The following SUGCT variants were observed in gnomAD, a reference collection of about 807,000 sequenced individuals.
The protein encoded by SUGCT is succinyl-CoA:glutarate-CoA transferase.
A neutral mutation model predicts 55.0 loss-of-function variants in SUGCT; 41 were observed. That is an observed-to-expected ratio of 0.74 (90% CI 0.58 to 0.97). The LOEUF (loss-of-function observed/expected upper bound fraction) is 0.97, where lower values mean the gene tolerates loss of function less well. Among genes scored for constraint, SUGCT ranks in the 50% least tolerant of loss-of-function variants. The pLI, the probability that SUGCT is intolerant of heterozygous loss-of-function variation, is 0.00. For missense variants in SUGCT, 568 were observed against 547.8 expected (o/e 1.04, Z -0.37); for synonymous variants, 187 against 200.4 (o/e 0.93, Z 0.56).
intron 6 of SUGCT, among the ~76,000 whole-genome samples, chr7:40,211,146 G>A (rs950015085): frequency 6.6e-6 from 1 of 151,812 alleles, no homozygotes; most frequent in African/African-American, 2.4e-5. Flanking sequence ...GCTAATTTTT[G>A]TATTTTTAGT....
At chr7:40,640,506 C>T (rs1800222898) in intron 12 of SUGCT, among the ~76,000 whole-genome samples, 1 of 152,136 alleles carries the variant, frequency 6.6e-6, no homozygotes, top group African/African-American at 2.4e-5. Context: ...CCACAGCTGT[C>T]CTGAGAGGCT....
chr7:40,498,852 T>C (rs996423534), intron 12 of SUGCT, among the ~76,000 whole-genome samples: 6 of 152,186 alleles, frequency 3.9e-5, no homozygotes, highest in Non-Finnish European at 8.8e-5. Context: ...GCTTTGGGGA[T>C]GGGGATCATT....
chr7:40,227,353 A>ATAATAGACCTTGAGATCT (rs1349086711), intron 6 of SUGCT, among the ~76,000 whole-genome samples: 5 of 151,964 alleles, frequency 3.3e-5, no homozygotes, highest in African/African-American at 4.8e-5. Context: ...CCTGGCCAGT[A>ATAATAGACCTTGAGATCT]TAATAGACCT....
the SUGCT span, among the ~76,000 whole-genome samples, chr7:40,877,678 A>G: frequency 6.6e-6 from 1 of 152,370 alleles, no homozygotes; most frequent in African/African-American, 2.4e-5. Flanking sequence ...CCAAGAGCTG[A>G]CAATGAATGT....
intron 13 of SUGCT, among the ~76,000 whole-genome samples, chr7:40,852,608 A>T (rs1203048970): frequency 6.3e-5 from 9 of 142,082 alleles, no homozygotes; most frequent in Non-Finnish European, 1.2e-4. Flanking sequence ...ACACTAGATC[A>T]TTTTTTTTTT....
intron 13 of SUGCT, among the ~76,000 whole-genome samples, chr7:40,842,378 T>C (rs540148119): frequency 1.3e-5 from 2 of 152,316 alleles, no homozygotes; most frequent in African/African-American, 4.8e-5. Flanking sequence ...TTTTAAAGTC[T>C]GACAGTGTTT....
At chr7:40,622,551 T>TC (rs940064580) in intron 12 of SUGCT, among the ~76,000 whole-genome samples, 4 of 142,342 alleles carry the variant, frequency 2.8e-5, no homozygotes, top group Non-Finnish European at 4.6e-5. Context: ...TTTTTTTTTT[T>TC]CATCTTCTGA....
rs934273926 is a variant in SUGCT, at chr7:40,177,634, A to C, written c.101-3313A>C. On this transcript the variant is annotated intron_variant, in intron 1 of 13. Transcript: ENST00000335693. ...ATTGCCTTCTCAATATCTATCCTCC[A>C]TTTATCCCATACCGCAATGCAAGTG... Among the ~76,000 whole-genome samples the C allele has an allele frequency of 2.0e-5, 3 of 151,972 alleles. 1 individual carries two copies. Among genetic ancestry groups the C allele is most frequent in the Admixed American group, 6.6e-5 (1 of 15,264 alleles).
chr7:40,452,425 T>C (rs1789242268), intron 10 of SUGCT, among the ~76,000 whole-genome samples: 1 of 152,164 alleles, frequency 6.6e-6, no homozygotes, highest in Non-Finnish European at 1.5e-5. Context: ...CATAGGAATG[T>C]CCTTTAGCCC....
intron 9 of SUGCT, among the ~76,000 whole-genome samples, chr7:40,404,858 C>T (rs1380025850): frequency 6.6e-6 from 1 of 152,142 alleles, no homozygotes; most frequent in Non-Finnish European, 1.5e-5. Flanking sequence ...AGTATGATTC[C>T]ATTCTCTGAC....
chr7:40,445,246 G>T (rs7776718), intron 9 of SUGCT, among the ~76,000 whole-genome samples: 4 of 151,996 alleles, frequency 2.6e-5, no homozygotes, highest in Admixed American at 6.6e-5. Context: ...TAGATAGACC[G>T]CTAGCAAGAC....
intron 12 of SUGCT, among the ~76,000 whole-genome samples, chr7:40,655,185 T>C (rs1372409340): frequency 6.6e-6 from 1 of 152,034 alleles, no homozygotes; most frequent in Admixed American, 6.6e-5. Flanking sequence ...TCCCAGCTCC[T>C]CAGGAGGCTG....
chr7:40,903,588 A>G, the SUGCT span, among the ~76,000 whole-genome samples: 2 of 152,174 alleles, frequency 1.3e-5, no homozygotes, highest in African/African-American at 4.8e-5. Flanking sequence ...ATATTCTCCC[A>G]GTACCTCAGA....
chr7:40,552,470 G>A (rs546693031), intron 12 of SUGCT, among the ~76,000 whole-genome samples: 1 of 152,182 alleles, frequency 6.6e-6, no homozygotes, highest in Admixed American at 6.5e-5. Context: ...AGATCACCCA[G>A]GGCCTGGTGA....
chr7:40,838,387 T>C (rs1216049348), intron 13 of SUGCT, among the ~76,000 whole-genome samples: 2 of 152,218 alleles, frequency 1.3e-5, no homozygotes, highest in Admixed American at 6.5e-5. Context: ...ATTTTCAAAT[T>C]TATGAACACA....
rs1257683954 is a variant in SUGCT, at chr7:40,279,929, G to A, written c.720+5273G>A. Among the ~76,000 whole-genome samples the A allele has an allele frequency of 5.3e-5, 8 of 152,074 alleles. No individual in the cohort carries two copies. The East Asian group carries it at 1.5e-3, about 29-fold the overall frequency. On this transcript the variant is annotated intron_variant, in intron 8 of 13. Transcript: ENST00000335693. ...CATTTGAATTTAATTTCAGCTGCGT[G>A]AGAATGAATACAATTTCATGCAGTA...
At chr7:40,899,501 CAGAA>C in the SUGCT span, among the ~76,000 whole-genome samples, 4 of 152,116 alleles carry the variant, frequency 2.6e-5, no homozygotes, top group Admixed American at 1.3e-4. Context: ...CACGCTGAGA[CAGAA>C]AGCAAGAGCA....
intron 12 of SUGCT, among the ~76,000 whole-genome samples, chr7:40,585,814 G>A (rs1436514175): frequency 6.6e-6 from 1 of 151,916 alleles, no homozygotes; most frequent in African/African-American, 2.4e-5. Flanking sequence ...CAAGTACCTG[G>A]GATTACAGGT....
At chr7:40,500,732 A>G (rs1792235716) in intron 12 of SUGCT, among the ~76,000 whole-genome samples, 1 of 152,132 alleles carries the variant, frequency 6.6e-6, no homozygotes. Flanking sequence ...TATCTGAGTG[A>G]TTTTGTTTTA....
Sources: allele counts gnomAD v4.1 joint callset (sites outside exome capture counted in the v4.1 genomes callset), GRCh38; gene constraint gnomAD v4.1.1; transcripts MANE v1.5; gene names NCBI Gene and HGNC (gene_info 2026-07-23, HGNC 2026-07-21).